The following NRG3 variants were observed in gnomAD, a reference collection of about 807,000 sequenced individuals.
NRG3 encodes the protein pro-neuregulin-3, membrane-bound isoform.
NRG3 carries 31 observed loss-of-function variants against 66.9 expected under a neutral mutation model. The ratio of observed to expected loss-of-function variants is 0.46; its 90% CI spans 0.35 to 0.63. The LOEUF is 0.63. Ranked by LOEUF, NRG3 falls within the 20% of genes least tolerant of loss-of-function variation. The pLI is 0.00. For synonymous variants in NRG3, 393 were observed against 359.4 expected, an observed-to-expected ratio of 1.09 and a Z score of -1.06; for missense variants, 910 against 878.9, an observed-to-expected ratio of 1.04 and a Z score of -0.45.
chr10:82,434,246 G>C (rs138533094), intron 2 of NRG3, among the ~76,000 whole-genome samples: 2 of 151,990 alleles, frequency 1.3e-5, no homozygotes, highest in East Asian at 1.9e-4. Context: ...TTGGCTTTCT[G>C]CTTGCCTATT....
chr10:82,099,811 CA>C (rs2066611235), intron 1 of NRG3, among the ~76,000 whole-genome samples: 2 of 151,050 alleles, frequency 1.3e-5, no homozygotes, highest in Admixed American at 1.3e-4. Context: ...AAATGTAAAA[CA>C]AAAACAAAAA....
chr10:82,852,202 A>G (rs1353581369), intron 3 of NRG3, among the ~76,000 whole-genome samples: 1 of 152,130 alleles, frequency 6.6e-6, no homozygotes. Context: ...GATACTTCGT[A>G]TCTTAAGAAA....
chr10:82,712,671 G>A (rs1433119624), intron 2 of NRG3, among the ~76,000 whole-genome samples: 1 of 152,170 alleles, frequency 6.6e-6, no homozygotes, highest in Non-Finnish European at 1.5e-5. Flanking sequence ...ATGCTGGTCA[G>A]GGCAGGGCTC....
At chr10:82,487,135 A>G (rs1291783064) in intron 2 of NRG3, among the ~76,000 whole-genome samples, 3 of 148,746 alleles carry the variant, frequency 2.0e-5, no homozygotes, top group Non-Finnish European at 3.0e-5. Flanking sequence ...TATATATATA[A>G]TTTTTCATCA....
intron 1 of NRG3, among the ~76,000 whole-genome samples, chr10:82,192,082 T>G (rs534916572): frequency 6.6e-6 from 1 of 152,212 alleles, no homozygotes; most frequent in Non-Finnish European, 1.5e-5. Flanking sequence ...CAAACTTCCG[T>G]ACTTCCTAAG....
chr10:82,355,926 A>T (rs1388720444), intron 1 of NRG3, among the ~76,000 whole-genome samples: 1 of 152,210 alleles, frequency 6.6e-6, no homozygotes, highest in African/African-American at 2.4e-5. Flanking sequence ...AAAAGTTATA[A>T]TAATGTTGTT....
chr10:82,019,121 A>G (rs1404208814), intron 1 of NRG3, among the ~76,000 whole-genome samples: 1 of 152,112 alleles, frequency 6.6e-6, no homozygotes, highest in African/African-American at 2.4e-5. Flanking sequence ...TCAATACCTA[A>G]TTTATTGAGA....
intron 1 of NRG3, among the ~76,000 whole-genome samples, chr10:81,913,132 C>G (rs1159994073): frequency 6.6e-6 from 1 of 151,724 alleles, no homozygotes; most frequent in East Asian, 2.0e-4. Flanking sequence ...GCTGGCACCA[C>G]TTTTAATCAG....
chr10:82,915,266 A>G (rs1845718684), intron 4 of NRG3, among the ~76,000 whole-genome samples: 2 of 152,202 alleles, frequency 1.3e-5, no homozygotes, highest in South Asian at 4.1e-4. Flanking sequence ...CAAAGGCTCT[A>G]AGAAGACTTG....
intron 2 of NRG3, among the ~76,000 whole-genome samples, chr10:82,580,344 C>G (rs776982414): frequency 6.6e-6 from 1 of 151,886 alleles, no homozygotes; most frequent in Non-Finnish European, 1.5e-5. Context: ...TCACTCCCCC[C>G]CCACAGTTTC....
chr10:82,617,122 A>T (rs897017667), intron 2 of NRG3, among the ~76,000 whole-genome samples: 6 of 151,874 alleles, frequency 4.0e-5, no homozygotes, highest in African/African-American at 1.5e-4. Context: ...AACCTTGAAG[A>T]CCCTCCACAT....
intron 1 of NRG3, among the ~76,000 whole-genome samples, chr10:82,067,346 C>T (rs543824039): frequency 1.3e-5 from 2 of 152,170 alleles, no homozygotes; most frequent in African/African-American, 4.8e-5. Flanking sequence ...TCCCCATTTG[C>T]TGTTTGTTGT....
intron 6 of NRG3, among the ~76,000 whole-genome samples, chr10:82,969,708 C>T (rs1851553731): frequency 1.3e-5 from 2 of 152,206 alleles, no homozygotes; most frequent in Non-Finnish European, 2.9e-5. Flanking sequence ...GTTCCCTAGT[C>T]TCCATAGCTT....
At chr10:82,448,453 G>A (rs370404182) in intron 2 of NRG3, among the ~76,000 whole-genome samples, 11 of 152,168 alleles carry the variant, frequency 7.2e-5, no homozygotes, top group Non-Finnish European at 1.6e-4. Flanking sequence ...ACCAGGAACC[G>A]AGCATGTGGT....
At chr10:82,459,745 C>T (rs2091431889) in intron 2 of NRG3, among the ~76,000 whole-genome samples, 1 of 152,222 alleles carries the variant, frequency 6.6e-6, no homozygotes, top group Admixed American at 6.5e-5. Flanking sequence ...ACCTCAGCTT[C>T]TGCCAGCCAT....
At chr10:82,269,976 C>G (rs1441610466) in intron 1 of NRG3, among the ~76,000 whole-genome samples, 1 of 152,142 alleles carries the variant, frequency 6.6e-6, no homozygotes, top group Non-Finnish European at 1.5e-5. Flanking sequence ...TCTGATTCCT[C>G]TTCTGTAAAA....
intron 1 of NRG3, among the ~76,000 whole-genome samples, chr10:82,351,260 T>G (rs2083423457): frequency 6.6e-6 from 1 of 152,198 alleles, no homozygotes. Context: ...GGAGGCTGTT[T>G]CTATGTGTGA....
chr10:82,263,233 TAAAG>T (rs1441818993), intron 1 of NRG3, among the ~76,000 whole-genome samples: 3 of 151,722 alleles, frequency 2.0e-5, no homozygotes, highest in East Asian at 1.9e-4. Flanking sequence ...GGGAAGAAAA[TAAAG>T]AAAAACGGAT....
Position 82,125,978 on chromosome 10 carries a change from G to A in NRG3, c.824-232761G>A, listed in dbSNP as rs537977115. ...AGGCCTGTAGGGAGAAAGACAAGGT[G>A]AAAGATCTTAATTGTGGTGACCATG... On this transcript the variant is annotated intron_variant, in intron 1 of 8. Transcript: ENST00000372141. Among the ~76,000 whole-genome samples, 461 of 152,194 alleles carry A rather than the reference G, an allele frequency of 3.0e-3. 3 individuals are homozygous for A. Among genetic ancestry groups the A allele is most frequent in the African/African-American group, 0.011 (444 of 41,560 alleles).
Sources: gnomAD v4.1 joint callset for allele counts (sites outside exome capture counted in the v4.1 genomes callset) on GRCh38, gnomAD v4.1.1 for gene constraint, MANE v1.5 for transcripts, NCBI Gene and HGNC (gene_info 2026-07-23, HGNC 2026-07-21) for gene names.